UBE3C: variants seen among roughly 807,000 people sequenced by gnomAD.
UBE3C encodes ubiquitin-protein ligase E3C.
A neutral mutation model predicts 129.4 loss-of-function variants in UBE3C; 42 were observed. That is an observed-to-expected ratio of 0.32 (90% CI 0.25 to 0.42). The LOEUF (loss-of-function observed/expected upper bound fraction) is 0.42. Ranked by LOEUF, UBE3C falls within the 10% of genes least tolerant of loss-of-function variation. UBE3C has a pLI of 1.00. For missense variants in UBE3C, 1,049 were observed against 1,319.1 expected (o/e 0.80, Z 3.17); for synonymous variants, 510 against 492.4 (o/e 1.04, Z -0.47).
At chr7:157,251,066 A>G (rs935090736) in intron 19 of UBE3C, among the ~76,000 whole-genome samples, 2 of 152,234 alleles carry the variant, frequency 1.3e-5, no homozygotes, top group African/African-American at 2.4e-5. Flanking sequence ...ATGTATGAGA[A>G]TAATTATACT....
At chr7:157,197,957 C>G in intron 10 of UBE3C, 1 of 1,609,072 alleles carries the variant, frequency 6.2e-7, no homozygotes, top group Non-Finnish European at 8.5e-7. Flanking sequence ...CACTAAAAGC[C>G]TTGAACCTCA....
rs73492583 is a variant in UBE3C at position 157,178,859 on chromosome 7, G to A, written c.616+12G>A. 27,328 of 1,613,316 alleles carry A rather than the reference G, an allele frequency of 0.017. 1,200 individuals are homozygous for A. Among genetic ancestry groups the A allele is most frequent in the African/African-American group, 0.14 (10,592 of 74,986 alleles). On this transcript the variant is annotated intron_variant, in intron 6 of 22. Coordinates refer to ENST00000348165, the MANE Select transcript of UBE3C (RefSeq NM_014671.3). ...CATGATTCACAATGGTAAGTAGTAG[G>A]CAGGATCAGAACTGTGGCTCAGCAT...
chr7:157,229,511 T>A (rs969332435), intron 17 of UBE3C, among the ~76,000 whole-genome samples: 1 of 152,188 alleles, frequency 6.6e-6, no homozygotes, highest in African/African-American at 2.4e-5. Flanking sequence ...GAGACGGGGT[T>A]TCACCATGTT....
In UBE3C at chr7:157,182,707, T is replaced by C. The variant is rs141852448; in HGVS notation, c.991+379T>C. ...CATACATACATACATGCATGAATTA[T>C]TCATGAAAGAAATATAGGAAAATGT... On this transcript the variant is annotated intron_variant, in intron 8 of 22. Coordinates refer to ENST00000348165, the MANE Select transcript of UBE3C (RefSeq NM_014671.3). 1.6e-4 allele frequency among the ~76,000 whole-genome samples: 25 copies of C among 152,060 alleles called. No individual in the cohort carries two copies. In the East Asian group the frequency reaches 4.6e-3, roughly 28 times the overall value.
At chr7:157,224,343 T>C (rs1443994081) in intron 16 of UBE3C, among the ~76,000 whole-genome samples, 2 of 152,062 alleles carry the variant, frequency 1.3e-5, no homozygotes, top group African/African-American at 4.8e-5. Flanking sequence ...TACAGGCACG[T>C]GCCACCATGC....
In UBE3C at chr7:157,207,926, GTTAT is replaced by G; in HGVS notation, c.1804_1807del (p.Phe602ArgfsTer6). 6.3e-7 allele frequency: 1 copy of G among 1,582,708 alleles called. No homozygotes were observed. The highest frequency in any genetic ancestry group is 8.6e-7 in the Non-Finnish European group (1 of 1,167,412). On this transcript the variant is annotated frameshift_variant, in exon 13 of 23. Coordinates refer to ENST00000348165, the MANE Select transcript of UBE3C (RefSeq NM_014671.3). LOFTEE classifies it high-confidence loss of function. ...AGATGGAACAGAAAAGATGGATTCAGTTATTTAAGGTATAGAGTATATGTATTTT... is the reference window on the plus strand; with the variant it reads ...AGATGGAACAGAAAAGATGGATTCAGTTAAGGTATAGAGTATATGTATTTT...
In UBE3C at chr7:157,170,286, G is replaced by A. The variant is rs771340555; in HGVS notation, c.196-18G>A. On this transcript the variant is annotated intron_variant, in intron 3 of 22. Coordinates refer to ENST00000348165, the MANE Select transcript of UBE3C (RefSeq NM_014671.3). ...AAATACTATATTTATGGGTCATTTT[G>A]TTTTGTTTTTCTTCCAGTATTCCAT... is the stretch of plus-strand genomic sequence containing the variant. The A allele has an allele frequency of 3.4e-6, 5 of 1,459,474 alleles. No homozygotes were observed. The East Asian group carries it at 1.3e-4, about 38-fold the overall frequency. The allele number at this position is 1,459,474 out of a possible 1,614,324, so 90.4% of individuals were successfully genotyped here.
chr7:157,177,701 G>T (rs569958370), intron 5 of UBE3C, among the ~76,000 whole-genome samples: 6 of 152,208 alleles, frequency 3.9e-5, no homozygotes, highest in Non-Finnish European at 5.9e-5. Context: ...CAGCCTGCCC[G>T]CTGGGTCCTC....
At chr7:157,185,072 T>C (rs1184438673) in intron 9 of UBE3C, among the ~76,000 whole-genome samples, 1 of 152,258 alleles carries the variant, frequency 6.6e-6, no homozygotes, top group African/African-American at 2.4e-5. Context: ...GATAAATTTT[T>C]GTTTTTGGAA....
rs1807870767 is a variant in UBE3C at position 157,155,253 on chromosome 7, T to C, written c.67-8557T>C. On this transcript the variant is annotated intron_variant, in intron 1 of 22. Transcript: ENST00000348165. ...AAATGTTAACTTTTAACATTTTCCT[T>C]TACTCAAAGGCAATGTTCTTTGAAG... 2.0e-5 allele frequency among the ~76,000 whole-genome samples: 3 copies of C among 152,190 alleles called. No individual in the cohort carries two copies. The South Asian group carries it at 6.2e-4, about 32-fold the overall frequency.
At chr7:157,216,792 G>A (rs1216641465) in intron 13 of UBE3C, 75 bp from the exon 14 acceptor site, 12 of 1,187,784 alleles carry the variant, frequency 1.0e-5, no homozygotes, top group African/African-American at 3.0e-5. Context: ...GCTCCTCCTC[G>A]AGTGAATGTA....
intron 22 of UBE3C, among the ~76,000 whole-genome samples, chr7:157,257,314 CTA>C (rs1796776946): frequency 2.6e-5 from 4 of 152,134 alleles, no homozygotes; most frequent in Admixed American, 1.3e-4. Flanking sequence ...TTTGGAGGGA[CTA>C]TTTGCAATAT....
intron 11 of UBE3C, among the ~76,000 whole-genome samples, chr7:157,206,830 AG>A (rs1364610623): frequency 6.6e-6 from 1 of 152,230 alleles, no homozygotes; most frequent in Non-Finnish European, 1.5e-5. Context: ...CTGCTGTGAA[AG>A]CAGGAGCAGG....
At chr7:157,247,945 C>T (rs1265788884) in intron 18 of UBE3C, among the ~76,000 whole-genome samples, 1 of 152,134 alleles carries the variant, frequency 6.6e-6, no homozygotes, top group Non-Finnish European at 1.5e-5. Flanking sequence ...GAAATAGGGT[C>T]CAATAGCTGC....
At chr7:157,252,313 A>G (rs1417683306) in intron 19 of UBE3C, among the ~76,000 whole-genome samples, 2 of 152,320 alleles carry the variant, frequency 1.3e-5, no homozygotes, top group East Asian at 3.9e-4. Flanking sequence ...TATTTTATAC[A>G]TTGAAATATA....
At position 157,194,803 on chromosome 7, in the gene UBE3C, A is replaced by C. The variant is rs576278210; in HGVS notation, c.1332-6918A>C. Among the ~76,000 whole-genome samples, 3 of 152,338 alleles carry C rather than the reference A, an allele frequency of 2.0e-5. No homozygotes were observed. In the South Asian group the frequency reaches 6.2e-4, roughly 32 times the overall value. ...CTAAGCTGAATTGTGTCCTGCAGTT[A>C]TGTGTAAAGCAGAATTTTTAAGTGA... On this transcript the variant is annotated intron_variant, in intron 10 of 22. Coordinates refer to ENST00000348165, the MANE Select transcript of UBE3C (RefSeq NM_014671.3).
chr7:157,244,450 A>G (rs1277927317), intron 18 of UBE3C, among the ~76,000 whole-genome samples: 1 of 152,250 alleles, frequency 6.6e-6, no homozygotes, highest in East Asian at 1.9e-4. Context: ...TTAATATGAT[A>G]TGAAATAATT....
chr7:157,237,390 G>C (rs898479761), intron 18 of UBE3C, among the ~76,000 whole-genome samples: 2 of 152,096 alleles, frequency 1.3e-5, no homozygotes, highest in African/African-American at 4.8e-5. Flanking sequence ...GCAGTGAGCC[G>C]AGATTGCGCC....
In UBE3C at chr7:157,269,192, T is replaced by A. The variant is rs1797159866; in HGVS notation, c.*1437T>A. The A allele has an allele frequency of 6.6e-6, 1 of 152,612 alleles. No individual in the cohort carries two copies. The highest frequency in any genetic ancestry group is 6.5e-5 in the Admixed American group (1 of 15,276). The allele number at this position is 152,612 out of a possible 1,614,324, so 9.5% of individuals were successfully genotyped here. On this transcript the variant is annotated 3_prime_UTR_variant, in exon 23 of 23. Coordinates refer to ENST00000348165, the MANE Select transcript of UBE3C (RefSeq NM_014671.3). ...ATTTTAGGTTGTTTTATGTTGAATGTTCTATATCTTATTAGTTAATTTGTA... is the reference window on the plus strand; with the variant it reads ...ATTTTAGGTTGTTTTATGTTGAATGATCTATATCTTATTAGTTAATTTGTA...
Sources: gnomAD v4.1 joint callset for allele counts (sites outside exome capture counted in the v4.1 genomes callset) on GRCh38, gnomAD v4.1.1 for gene constraint, MANE v1.5 for transcripts, NCBI Gene and HGNC (gene_info 2026-07-23, HGNC 2026-07-21) for gene names.